The following PRKN variants were observed in gnomAD, a reference collection of about 807,000 sequenced individuals.
The protein encoded by PRKN is E3 ubiquitin-protein ligase parkin.
In PRKN, 56 loss-of-function variants were observed where a neutral mutation model predicts 59.5. The ratio of observed to expected loss-of-function variants is 0.94; its 90% CI spans 0.76 to 1.18. The LOEUF is 1.18. Among genes scored for constraint, PRKN ranks in the 50% most tolerant of loss-of-function variants. The pLI, the probability that PRKN is intolerant of heterozygous loss-of-function variation, is 0.00. For missense variants in PRKN, 657 were observed against 596.4 expected, an observed-to-expected ratio of 1.10 and a Z score of -1.06; for synonymous variants, 250 against 222.1, an observed-to-expected ratio of 1.13 and a Z score of -1.12.
chr6:162,687,185 T>C (rs1777597091), intron 1 of PRKN, among the ~76,000 whole-genome samples: 1 of 137,366 alleles, frequency 7.3e-6, no homozygotes, highest in Non-Finnish European at 1.5e-5. Flanking sequence ...AGAGCCTCTT[T>C]TTCTTTTTTT....
At chr6:161,701,705 A>G (rs925410067) in intron 7 of PRKN, among the ~76,000 whole-genome samples, 20 of 152,332 alleles carry the variant, frequency 1.3e-4, no homozygotes, top group African/African-American at 4.8e-4. Flanking sequence ...ATTCTGTCCA[A>G]GGTAAATAAT....
At chr6:161,898,645 T>C (rs1272703596) in intron 6 of PRKN, among the ~76,000 whole-genome samples, 1 of 152,200 alleles carries the variant, frequency 6.6e-6, no homozygotes, top group Non-Finnish European at 1.5e-5. Flanking sequence ...AATGTCATTT[T>C]GGTACTGGGC....
At chr6:162,026,590 T>C (rs942141132) in intron 5 of PRKN, among the ~76,000 whole-genome samples, 2 of 152,228 alleles carry the variant, frequency 1.3e-5, no homozygotes, top group Non-Finnish European at 2.9e-5. Flanking sequence ...TGAAGCTATA[T>C]TACTTAGAAA....
intron 6 of PRKN, among the ~76,000 whole-genome samples, chr6:161,952,389 G>A (rs1173012335): frequency 6.6e-6 from 1 of 152,118 alleles, no homozygotes; most frequent in African/African-American, 2.4e-5. Context: ...AAGCCAAGGT[G>A]GGCAGATCAT....
intron 3 of PRKN, among the ~76,000 whole-genome samples, chr6:162,237,784 T>C (rs183023339): frequency 6.8e-6 from 1 of 148,106 alleles, no homozygotes; most frequent in East Asian, 2.0e-4. Context: ...TAATATCAGA[T>C]ATTTGGTTAA....
chr6:161,657,888 C>T (rs1186416328), intron 7 of PRKN, among the ~76,000 whole-genome samples: 3 of 151,488 alleles, frequency 2.0e-5, no homozygotes, highest in Non-Finnish European at 2.9e-5. Context: ...AATTAGCTGG[C>T]ATGGTGGCAG....
At chr6:161,818,305 C>G (rs1791874148) in intron 6 of PRKN, among the ~76,000 whole-genome samples, 1 of 150,904 alleles carries the variant, frequency 6.6e-6, no homozygotes, top group Non-Finnish European at 1.5e-5. Flanking sequence ...AGTGGAAAGA[C>G]TGGACATCTG....
At chr6:162,163,740 G>A (rs1384921034) in intron 4 of PRKN, among the ~76,000 whole-genome samples, 1 of 149,016 alleles carries the variant, frequency 6.7e-6, no homozygotes, top group Non-Finnish European at 1.5e-5. Context: ...GGCTGTCAGA[G>A]GGGAACATGA....
intron 2 of PRKN, among the ~76,000 whole-genome samples, chr6:162,361,503 C>G (rs963142216): frequency 1.3e-5 from 2 of 152,122 alleles, no homozygotes; most frequent in Non-Finnish European, 2.9e-5. Context: ...TCACCTTGAT[C>G]TTGAACGTTC....
chr6:162,687,343 A>C (rs2849529), intron 1 of PRKN, among the ~76,000 whole-genome samples: 1 of 151,668 alleles, frequency 6.6e-6, no homozygotes, highest in Non-Finnish European at 1.5e-5. Context: ...TCACCACCAC[A>C]CCCGGCTAAT....
At chr6:161,882,747 T>C (rs1333250637) in intron 6 of PRKN, among the ~76,000 whole-genome samples, 4 of 152,282 alleles carry the variant, frequency 2.6e-5, no homozygotes, top group Admixed American at 2.6e-4. Context: ...CTCACGCTTG[T>C]AATCCCAGCA....
At chr6:162,107,393 A>T (rs1780233580) in intron 4 of PRKN, among the ~76,000 whole-genome samples, 1 of 152,174 alleles carries the variant, frequency 6.6e-6, no homozygotes. Context: ...TGAACGCAGG[A>T]GGTGGAGGTT....
At chr6:162,128,580 A>G (rs1781215579) in intron 4 of PRKN, among the ~76,000 whole-genome samples, 1 of 152,196 alleles carries the variant, frequency 6.6e-6, no homozygotes, top group Non-Finnish European at 1.5e-5. Flanking sequence ...TCTTTTCAGT[A>G]GTGCATTTAT....
chr6:161,386,586 T>G lies in PRKN; in HGVS notation c.1167+208A>C, dbSNP rs1038142780. On this transcript the variant is annotated intron_variant, in intron 10 of 11. Transcript: ENST00000366898. This position sits in a 1 kb window ranked among gnomAD's most constrained non-coding sequence, Gnocchi z 4.3. Reference sequence around the variant, plus strand: ...GCCCAGGGAAAAGCTATTTTGGACATGCCCCAAGTGGCCACTGGGAAGTCT... The same window carrying G: ...GCCCAGGGAAAAGCTATTTTGGACAGGCCCCAAGTGGCCACTGGGAAGTCT... Among the ~76,000 whole-genome samples the G allele has an allele frequency of 1.3e-5, 2 of 152,236 alleles. No individual in the cohort carries two copies. The highest frequency in any genetic ancestry group is 2.9e-5 in the Non-Finnish European group (2 of 68,038).
chr6:162,307,587 C>T (rs1303625677), intron 2 of PRKN, among the ~76,000 whole-genome samples: 1 of 151,924 alleles, frequency 6.6e-6, no homozygotes, highest in African/African-American at 2.4e-5. Context: ...AATACTATAC[C>T]TTTGACTATA....
chr6:161,934,838 T>TA (rs1463483978), intron 6 of PRKN, among the ~76,000 whole-genome samples: 1 of 152,126 alleles, frequency 6.6e-6, no homozygotes, highest in Non-Finnish European at 1.5e-5. Context: ...CAAATTTAGA[T>TA]AAAAAATAGA....
At chr6:161,979,562 C>G (rs752409956) in intron 5 of PRKN, among the ~76,000 whole-genome samples, 1 of 152,212 alleles carries the variant, frequency 6.6e-6, no homozygotes, top group Non-Finnish European at 1.5e-5. Flanking sequence ...GCAAGAGCCA[C>G]TGCGCCCGGA....
chr6:161,401,226 T>C lies in PRKN; in HGVS notation c.1084-14349A>G, dbSNP rs1009318311. On this transcript the variant is annotated intron_variant, in intron 9 of 11. Coordinates refer to ENST00000366898, the MANE Select transcript of PRKN (RefSeq NM_004562.3). The surrounding 1 kb of genome is among the most constrained non-coding windows in gnomAD (Gnocchi z 4.4). ...ATGGTTTTAGCAACAGGACTTTCAT[T>C]TGTGATAGTTCAGTCACGTCCTGGG... 1.3e-5 allele frequency among the ~76,000 whole-genome samples: 2 copies of C among 152,124 alleles called. No homozygotes were observed. The highest frequency in any genetic ancestry group is 2.4e-5 in the African/African-American group (1 of 41,402).
chr6:162,063,671 A>G (rs1235460887), intron 4 of PRKN, among the ~76,000 whole-genome samples: 1 of 151,844 alleles, frequency 6.6e-6, no homozygotes, highest in Non-Finnish European at 1.5e-5. Flanking sequence ...CAGCCTTCCA[A>G]GTAGCTAGGA....
Sources: allele counts gnomAD v4.1 joint callset (sites outside exome capture counted in the v4.1 genomes callset), GRCh38; gene constraint gnomAD v4.1.1; non-coding constraint Gnocchi (gnomAD v3.1); transcripts MANE v1.5; gene names NCBI Gene and HGNC (gene_info 2026-07-23, HGNC 2026-07-21).